SINHCAF: variants seen among roughly 807,000 people sequenced by gnomAD.
SINHCAF encodes SIN3-HDAC complex associated factor, also known as SIN3-HDAC complex-associated factor.
SINHCAF carries 3 observed loss-of-function variants against 25.8 expected under a neutral mutation model. The observed-to-expected ratio is 0.12, with a 90% confidence interval of 0.05 to 0.30. The LOEUF is 0.30. SINHCAF is among the 10% of genes least tolerant of loss of function. SINHCAF has a pLI of 1.00. For missense variants in SINHCAF, 121 were observed against 262.3 expected, an observed-to-expected ratio of 0.46 and a Z score of 3.72; for synonymous variants, 70 against 85.5, an observed-to-expected ratio of 0.82 and a Z score of 1.00.
At chr12:31,296,162 T>C (rs1938541105) in intron 2 of SINHCAF, among the ~76,000 whole-genome samples, 1 of 152,122 alleles carries the variant, frequency 6.6e-6, no homozygotes, top group South Asian at 2.1e-4. Context: ...AATATATTTC[T>C]TTTTTGGTGG....
chr12:31,289,802 T>G (rs139927019), intron 4 of SINHCAF, among the ~76,000 whole-genome samples: 32 of 75,600 alleles, frequency 4.2e-4, no homozygotes, highest in Non-Finnish European at 5.9e-4. Flanking sequence ...AAATTTGGGT[T>G]TTTTTTTTTT....
At chr12:31,292,258 T>C (rs565933499) in intron 4 of SINHCAF, among the ~76,000 whole-genome samples, 9 of 152,272 alleles carry the variant, frequency 5.9e-5, no homozygotes, top group African/African-American at 2.2e-4. Flanking sequence ...CCCAGCACTT[T>C]TGGGAAGCCG....
chr12:31,316,832 G>A (rs1939513261), intron 1 of SINHCAF, among the ~76,000 whole-genome samples: 1 of 152,136 alleles, frequency 6.6e-6, no homozygotes. Context: ...ATATGGAATA[G>A]GAGACAGAGA....
At chr12:31,285,318 G>A (rs1418327942) in intron 5 of SINHCAF, among the ~76,000 whole-genome samples, 3 of 151,744 alleles carry the variant, frequency 2.0e-5, no homozygotes, top group Non-Finnish European at 4.4e-5. Flanking sequence ...AACCCAGGAG[G>A]CGGAGGTTGC....
At chr12:31,296,011 T>C (rs377449446) in intron 2 of SINHCAF, among the ~76,000 whole-genome samples, 3 of 152,106 alleles carry the variant, frequency 2.0e-5, no homozygotes, top group African/African-American at 7.2e-5. Flanking sequence ...GGAGACCCCA[T>C]CTCTACTTTA....
intron 5 of SINHCAF, among the ~76,000 whole-genome samples, chr12:31,286,625 T>C (rs968342399): frequency 3.4e-5 from 5 of 148,138 alleles, no homozygotes; most frequent in African/African-American, 1.0e-4. Flanking sequence ...ATCGAGCCAT[T>C]GCACTATAGC....
chr12:31,306,214 A>C (rs757126238), intron 1 of SINHCAF, among the ~76,000 whole-genome samples: 8 of 152,218 alleles, frequency 5.3e-5, no homozygotes, highest in Non-Finnish European at 8.8e-5. Flanking sequence ...TGGCAGCTAG[A>C]TAAAATCAAG....
intron 1 of SINHCAF, among the ~76,000 whole-genome samples, chr12:31,307,384 G>C (rs540666133): frequency 1.8e-4 from 27 of 152,162 alleles, no homozygotes; most frequent in African/African-American, 6.3e-4. Flanking sequence ...GGTAAGCCCT[G>C]TCTCTACAAA....
At position 31,325,739 on chromosome 12, in the gene SINHCAF, A is replaced by G. The variant is rs147708701; in HGVS notation, c.-21+285T>C. 95 of 161,202 alleles carry G rather than the reference A, an allele frequency of 5.9e-4. 2 individuals are homozygous for G. The East Asian group carries it at 0.016, about 27-fold the overall frequency. The allele number at this position is 161,202 out of a possible 1,614,324, so 10.0% of individuals were successfully genotyped here. On this transcript the variant is annotated intron_variant, in intron 1 of 5. Coordinates refer to ENST00000337682, the MANE Select transcript of SINHCAF (RefSeq NM_001135812.2). The surrounding 1 kb of genome is among the most constrained non-coding windows in gnomAD (Gnocchi z 5.9). ...ATCCCTCAACTCCGGCGACTCCTCAATTATGCCCAGGCTCCACTCACTTCC... is the reference window on the plus strand; with the variant it reads ...ATCCCTCAACTCCGGCGACTCCTCAGTTATGCCCAGGCTCCACTCACTTCC...
At chr12:31,318,161 G>A (rs1939562717) in intron 1 of SINHCAF, among the ~76,000 whole-genome samples, 5 of 152,144 alleles carry the variant, frequency 3.3e-5, no homozygotes, top group South Asian at 4.1e-4. Flanking sequence ...ACGGTCAACA[G>A]GACTAAATGC....
rs59813982 is a variant in SINHCAF at position 31,282,674 on chromosome 12, AT to A, written c.*37del. ...CTTTGTGGTTTTTCAAAATTCAGAT[AT>A]TTTTTTTTTTGTTCCCCTTCTACAT... On this transcript the variant is annotated 3_prime_UTR_variant, in exon 6 of 6. Transcript: ENST00000337682. 0.073 allele frequency: 72,737 copies of A among 999,122 alleles called. 34 individuals are homozygous for A. Among genetic ancestry groups the A allele is most frequent in the South Asian group, 0.098 (5,267 of 53,494 alleles). 61.9% of individuals were successfully genotyped at this position (999,122 alleles called of 1,614,324 possible). A position where few individuals can be genotyped will look rare whatever the true frequency, so the allele number is the denominator to read the frequency against.
intron 5 of SINHCAF, among the ~76,000 whole-genome samples, chr12:31,286,375 A>G (rs1476328142): frequency 3.3e-5 from 5 of 152,074 alleles, no homozygotes; most frequent in East Asian, 1.9e-4. Context: ...GAAACTATCA[A>G]TGTGGGCTGG....
At chr12:31,299,238 A>C (rs1175707407) in intron 1 of SINHCAF, among the ~76,000 whole-genome samples, 1 of 152,234 alleles carries the variant, frequency 6.6e-6, no homozygotes, top group Admixed American at 6.5e-5. Flanking sequence ...CCAATGGACA[A>C]GTCAGAGGAT....
intron 1 of SINHCAF, among the ~76,000 whole-genome samples, chr12:31,299,919 T>C (rs1938718160): frequency 6.6e-6 from 1 of 152,298 alleles, no homozygotes; most frequent in African/African-American, 2.4e-5. Context: ...CTGAATGCCG[T>C]GGGCAACTGT....
Position 31,301,332 on chromosome 12 carries a change from G to A in SINHCAF, c.-20-3108C>T, listed in dbSNP as rs2293039. 0.013 allele frequency among the ~76,000 whole-genome samples: 1,946 copies of A among 152,226 alleles called. 149 individuals are homozygous for A. In the East Asian group the frequency reaches 0.22, roughly 18 times the overall value. On this transcript the variant is annotated intron_variant, in intron 1 of 5. Transcript: ENST00000337682. ...TAGACATAGGGGAGAATAGGCTGAT[G>A]TCTTAGGATTCATAATCCATTTTCA...
At chr12:31,302,147 C>T (rs1385468496) in intron 1 of SINHCAF, among the ~76,000 whole-genome samples, 9 of 152,054 alleles carry the variant, frequency 5.9e-5, no homozygotes, top group Non-Finnish European at 2.9e-5. Context: ...ACAATCTCAT[C>T]CTTAACCATG....
intron 1 of SINHCAF, among the ~76,000 whole-genome samples, chr12:31,318,901 TTC>T (rs1167308157): frequency 3.9e-5 from 6 of 152,210 alleles, no homozygotes; most frequent in Admixed American, 3.3e-4. Flanking sequence ...CATTGGGAAA[TTC>T]TGTTTATTTC....
intron 5 of SINHCAF, among the ~76,000 whole-genome samples, chr12:31,287,120 T>C (rs923266753): frequency 6.6e-6 from 1 of 150,662 alleles, no homozygotes; most frequent in Non-Finnish European, 1.5e-5. Flanking sequence ...GTTTTTCACT[T>C]TTTCTTGAGA....
At chr12:31,288,734 C>A (rs117816539) in intron 4 of SINHCAF, among the ~76,000 whole-genome samples, 2,012 of 152,270 alleles carry the variant, frequency 0.013, 28 homozygotes, top group Admixed American at 0.02. Flanking sequence ...AGTCTCACAA[C>A]ATAATCTGAA....
Sources: allele counts gnomAD v4.1 joint callset (sites outside exome capture counted in the v4.1 genomes callset), GRCh38; gene constraint gnomAD v4.1.1; non-coding constraint Gnocchi (gnomAD v3.1); transcripts MANE v1.5; gene names NCBI Gene and HGNC (gene_info 2026-07-23, HGNC 2026-07-21).